Variants in ZRANB3 observed in about 807,000 individuals in gnomAD.
ZRANB3 encodes DNA annealing helicase and endonuclease ZRANB3.
ZRANB3 carries 125 observed loss-of-function variants against 133.8 expected under a neutral mutation model. That is an observed-to-expected ratio of 0.93 (90% CI 0.81 to 1.08). The LOEUF is 1.08. ZRANB3 is among the 50% of genes least tolerant of loss of function. The pLI is 0.00. For missense variants in ZRANB3, 1,229 were observed against 1,275.5 expected (o/e 0.96, Z 0.56); for synonymous variants, 387 against 432.7 (o/e 0.89, Z 1.31).
chr2:135,383,563 TCA>T (rs1686823728), intron 3 of ZRANB3, among the ~76,000 whole-genome samples: 1 of 152,036 alleles, frequency 6.6e-6, no homozygotes, highest in Non-Finnish European at 1.5e-5. Flanking sequence ...GCACCACACC[TCA>T]CTTACTCCAA....
intron 2 of ZRANB3, among the ~76,000 whole-genome samples, chr2:135,485,209 A>T (rs577970627): frequency 1.3e-4 from 20 of 150,332 alleles, no homozygotes; most frequent in African/African-American, 5.0e-4. Context: ...ATAACATAAC[A>T]TAACAGCCAA....
chr2:135,274,150 T>C lies in ZRANB3; in HGVS notation c.1086+1486A>G, dbSNP rs186634735. On this transcript the variant is annotated intron_variant, in intron 9 of 20. Coordinates refer to ENST00000264159, the MANE Select transcript of ZRANB3 (RefSeq NM_032143.4). ...CACTAGAAGTATGTCTTTGGTAATA[T>C]TAATGAACATATTACCTAATGTTTA... Among the ~76,000 whole-genome samples, 5 of 152,342 alleles carry C rather than the reference T, an allele frequency of 3.3e-5. No individual in the cohort carries two copies. In the East Asian group the frequency reaches 9.6e-4, roughly 29 times the overall value.
intron 15 of ZRANB3, among the ~76,000 whole-genome samples, chr2:135,222,770 T>C (rs187208476): frequency 6.6e-6 from 1 of 152,130 alleles, no homozygotes; most frequent in East Asian, 1.9e-4. Flanking sequence ...TATTTTTATA[T>C]ATATATAATG....
At chr2:135,302,442 T>C (rs1223565971) in intron 8 of ZRANB3, among the ~76,000 whole-genome samples, 1 of 152,132 alleles carries the variant, frequency 6.6e-6, no homozygotes, top group East Asian at 1.9e-4. Flanking sequence ...CTACTTTTCA[T>C]CTCTTTTCTT....
chr2:135,399,048 G>A (rs954441511), intron 2 of ZRANB3, among the ~76,000 whole-genome samples: 2 of 152,108 alleles, frequency 1.3e-5, no homozygotes, highest in Admixed American at 6.6e-5. Context: ...AATGAACTAC[G>A]CCTAGGTTAG....
intron 2 of ZRANB3, among the ~76,000 whole-genome samples, chr2:135,422,003 T>C (rs1688875536): frequency 6.6e-6 from 1 of 151,978 alleles, no homozygotes; most frequent in Non-Finnish European, 1.5e-5. Flanking sequence ...TCTACATTTA[T>C]CATTATCTTC....
At chr2:135,427,120 C>T (rs1689129579) in intron 2 of ZRANB3, among the ~76,000 whole-genome samples, 1 of 151,522 alleles carries the variant, frequency 6.6e-6, no homozygotes, top group Admixed American at 6.6e-5. Context: ...ACTGAATAGG[C>T]AAAAGCTGGA....
intron 2 of ZRANB3, among the ~76,000 whole-genome samples, chr2:135,502,907 G>A (rs1574215711): frequency 6.6e-6 from 1 of 152,276 alleles, no homozygotes; most frequent in South Asian, 2.1e-4. Flanking sequence ...AAATACAAAT[G>A]TGTACAATAG....
chr2:135,503,048 G>A (rs949683142), intron 2 of ZRANB3, among the ~76,000 whole-genome samples: 6 of 152,108 alleles, frequency 3.9e-5, no homozygotes, highest in African/African-American at 1.4e-4. Flanking sequence ...CAAAACATCA[G>A]ATCAATGTGA....
chr2:135,490,824 C>T (rs1450121229), intron 2 of ZRANB3, among the ~76,000 whole-genome samples: 1 of 152,080 alleles, frequency 6.6e-6, no homozygotes, highest in African/African-American at 2.4e-5. Context: ...GAATAAAATC[C>T]TCTCATCTGC....
chr2:135,345,383 G>A (rs892509005), intron 6 of ZRANB3, 167 bp downstream of exon 6: 21 of 523,456 alleles, frequency 4.0e-5, no homozygotes, highest in African/African-American at 3.3e-4. Context: ...CAGAAGAATC[G>A]ATTGAACCCA....
chr2:135,262,435 T>G (rs927479995), intron 12 of ZRANB3, among the ~76,000 whole-genome samples: 7 of 152,112 alleles, frequency 4.6e-5, no homozygotes, highest in African/African-American at 1.7e-4. Context: ...GATCAGTTCT[T>G]TGAAAAATTA....
intron 6 of ZRANB3, among the ~76,000 whole-genome samples, chr2:135,331,256 G>C (rs772041703): frequency 6.6e-6 from 1 of 152,110 alleles, no homozygotes; most frequent in African/African-American, 2.4e-5. Context: ...ATTCTGGTAC[G>C]TTGTGCCTTT....
At chr2:135,425,934 A>G (rs1363840846) in intron 2 of ZRANB3, among the ~76,000 whole-genome samples, 1 of 151,992 alleles carries the variant, frequency 6.6e-6, no homozygotes. Flanking sequence ...GAATAAATAG[A>G]TAGACCACTA....
intron 2 of ZRANB3, among the ~76,000 whole-genome samples, chr2:135,445,531 T>C (rs1042432737): frequency 2.0e-5 from 3 of 152,130 alleles, no homozygotes; most frequent in African/African-American, 4.8e-5. Flanking sequence ...AGAAAATCTA[T>C]AGAATTGCCA....
intron 6 of ZRANB3, among the ~76,000 whole-genome samples, chr2:135,316,988 AT>A (rs1558912165): frequency 1.2e-3 from 176 of 146,482 alleles, no homozygotes; most frequent in African/African-American, 4.4e-3. Flanking sequence ...AAAAAAATAT[AT>A]ATATATATAT....
intron 3 of ZRANB3, among the ~76,000 whole-genome samples, chr2:135,378,954 G>C (rs1686558823): frequency 6.6e-6 from 1 of 152,048 alleles, no homozygotes; most frequent in Non-Finnish European, 1.5e-5. Context: ...TGGAATCCTA[G>C]TTTTATTTTT....
At position 135,466,212 on chromosome 2, in the gene ZRANB3, A is replaced by C. The variant is rs565910580; in HGVS notation, c.161+38117T>G. 2.1e-4 allele frequency among the ~76,000 whole-genome samples: 32 copies of C among 151,934 alleles called. No homozygotes were observed. In the South Asian group the frequency reaches 2.9e-3, roughly 14 times the overall value. On this transcript the variant is annotated intron_variant, in intron 2 of 20. Transcript: ENST00000264159. ...AGCCTGGCCAACATGGTGAAACATT[A>C]TCTCTACTAAAAATACAAAAATTAG...
At chr2:135,444,561 T>C (rs1394041354) in intron 2 of ZRANB3, among the ~76,000 whole-genome samples, 1 of 151,988 alleles carries the variant, frequency 6.6e-6, no homozygotes, top group Admixed American at 6.6e-5. Flanking sequence ...CAAAAAAAGA[T>C]TAGACAGTAT....
Sources: gnomAD v4.1 joint callset for allele counts (sites outside exome capture counted in the v4.1 genomes callset) on GRCh38, gnomAD v4.1.1 for gene constraint, MANE v1.5 for transcripts, NCBI Gene and HGNC (gene_info 2026-07-23, HGNC 2026-07-21) for gene names.